Variants in TMEM192 observed in about 807,000 individuals in gnomAD.
TMEM192 encodes the protein transmembrane protein 192.
TMEM192 carries 20 observed loss-of-function variants against 26.7 expected under a neutral mutation model. The ratio of observed to expected loss-of-function variants is 0.75; its 90% CI spans 0.53 to 1.09. The LOEUF (loss-of-function observed/expected upper bound fraction) is 1.09, where lower values mean the gene tolerates loss of function less well. Among genes scored for constraint, TMEM192 ranks in the 50% least tolerant of loss-of-function variants. The pLI is 0.00. For missense variants in TMEM192, 304 were observed against 322.6 expected, an observed-to-expected ratio of 0.94 and a Z score of 0.44; for synonymous variants, 124 against 121.0, an observed-to-expected ratio of 1.02 and a Z score of -0.16.
At chr4:165,097,184 A>G (rs1487133155) in intron 3 of TMEM192, among the ~76,000 whole-genome samples, 1 of 152,166 alleles carries the variant, frequency 6.6e-6, no homozygotes, top group Admixed American at 6.6e-5. Flanking sequence ...ATGAACTTGC[A>G]GCATGCCCTT....
intron 3 of TMEM192, among the ~76,000 whole-genome samples, chr4:165,095,428 A>C (rs1347993952): frequency 6.6e-6 from 1 of 151,982 alleles, no homozygotes; most frequent in African/African-American, 2.4e-5. Context: ...ATCAGTGAGG[A>C]CTCCAGCAGG....
intron 3 of TMEM192, among the ~76,000 whole-genome samples, chr4:165,095,756 T>G (rs2110771470): frequency 6.6e-6 from 1 of 152,234 alleles, no homozygotes; most frequent in African/African-American, 2.4e-5. Flanking sequence ...CTTGGCTATG[T>G]AACTAATAAT....
intron 3 of TMEM192, among the ~76,000 whole-genome samples, chr4:165,093,173 G>A (rs1277856554): frequency 7.2e-6 from 1 of 139,076 alleles, no homozygotes; most frequent in African/African-American, 2.7e-5. Context: ...CTCAGCTCAC[G>A]GCAACCTCTG....
chr4:165,112,218 G>A (rs1460593217), intron 1 of TMEM192, among the ~76,000 whole-genome samples: 5 of 152,102 alleles, frequency 3.3e-5, no homozygotes, highest in African/African-American at 1.2e-4. Flanking sequence ...CCATGATAGC[G>A]ACAGGTCTGC....
At chr4:165,080,624 T>G (rs1734498288) in intron 5 of TMEM192, among the ~76,000 whole-genome samples, 1 of 152,128 alleles carries the variant, frequency 6.6e-6, no homozygotes, top group African/African-American at 2.4e-5. Context: ...ATGGGAATGG[T>G]CCCATGTGAA....
In TMEM192 at chr4:165,082,031, A is replaced by G. The variant is rs1223161436; in HGVS notation, c.678-2235T>C. Among the ~76,000 whole-genome samples the G allele has an allele frequency of 2.3e-4, 7 of 30,456 alleles. 3 individuals are homozygous for G. The highest frequency in any genetic ancestry group is 6.9e-4 in the Non-Finnish European group (6 of 8,666). 20.0% of individuals were successfully genotyped at this position (30,456 alleles called of 152,430 possible). On this transcript the variant is annotated intron_variant, in intron 5 of 5. Transcript: ENST00000306480. ...ATTGCCCAGGCTGGAGTGCAGTGGCATGATCTCGGCTCACAGCAACCTCCG... is the reference window on the plus strand; with the variant it reads ...ATTGCCCAGGCTGGAGTGCAGTGGCGTGATCTCGGCTCACAGCAACCTCCG...
rs71602569 is a variant in TMEM192 at position 165,100,971 on chromosome 4, CTTTTTTTT to C, written c.175-87_175-80del. On this transcript the variant is annotated intron_variant, in intron 2 of 5. Coordinates refer to ENST00000306480, the MANE Select transcript of TMEM192 (RefSeq NM_001100389.2). ...AATAACTACCATCCCAGCATACATT[CTTTTTTTT>C]TTTTTTTTTTTTTCTGAGACAGAGT... 2,360 of 773,244 alleles carry C rather than the reference CTTTTTTTT, an allele frequency of 3.1e-3. 20 individuals carry two copies. The African/African-American group carries it at 0.037, about 12-fold the overall frequency. 47.9% of individuals were successfully genotyped at this position (773,244 alleles called of 1,614,324 possible).
At chr4:165,103,314 A>G (rs1165439648) in intron 1 of TMEM192, among the ~76,000 whole-genome samples, 1 of 151,972 alleles carries the variant, frequency 6.6e-6, no homozygotes, top group Non-Finnish European at 1.5e-5. Flanking sequence ...ACACGGTCTC[A>G]CTATGTTGCC....
chr4:165,111,114 C>CA (rs1276263940), intron 1 of TMEM192, among the ~76,000 whole-genome samples: 1 of 152,136 alleles, frequency 6.6e-6, no homozygotes, highest in Non-Finnish European at 1.5e-5. Flanking sequence ...ATTTTTGAGA[C>CA]AGAGTCTCGC....
intron 1 of TMEM192, among the ~76,000 whole-genome samples, chr4:165,104,478 C>T (rs1735118284): frequency 6.6e-6 from 1 of 152,136 alleles, no homozygotes; most frequent in Non-Finnish European, 1.5e-5. Context: ...GTGGGCTCCT[C>T]AATTTCCAGT....
chr4:165,111,193 G>A lies in TMEM192; in HGVS notation c.27+1554C>T, dbSNP rs865943025. Among the ~76,000 whole-genome samples the A allele has an allele frequency of 4.6e-5, 7 of 152,246 alleles. 1 individual carries two copies. The Middle Eastern group carries it at 0.01, about 222-fold the overall frequency. ...TGGCTCACTGCAACCTCTGCCTTCC[G>A]GGTTCAAGCGATTCTCCTGCCTCCC... On this transcript the variant is annotated intron_variant, in intron 1 of 5. Transcript: ENST00000306480.
chr4:165,080,465 T>C (rs1186685476), intron 5 of TMEM192, among the ~76,000 whole-genome samples: 1 of 152,114 alleles, frequency 6.6e-6, no homozygotes, highest in Non-Finnish European at 1.5e-5. Context: ...ATGACAATAA[T>C]ATGCCAGATG....
intron 3 of TMEM192, among the ~76,000 whole-genome samples, chr4:165,099,543 T>G (rs2110780917): frequency 6.6e-6 from 1 of 152,294 alleles, no homozygotes; most frequent in Middle Eastern, 3.4e-3. Context: ...GACCTGTGTG[T>G]TTTCCAAGTT....
chr4:165,100,733 A>G lies in TMEM192; in HGVS notation c.334T>C (p.Cys112Arg), dbSNP rs1215006987. Residue 112 changes from cysteine (C) to arginine (R), a missense_variant, in exon 3 of 6, where the codon TGC becomes CGC. Transcript: ENST00000306480. The part of the protein sequence containing the change: ...ILWILHLLLE[C>R]YIQYHHSKIR... The stretch of plus-strand genomic sequence containing the variant: ...TTGCTGTGGTGATACTGGATGTAGC[A>G]TTCAAGGAGTAAATGGAGAATCCAC... 6.2e-7 allele frequency: 1 copy of G among 1,614,098 alleles called. No homozygotes were observed. The highest frequency in any genetic ancestry group is 8.5e-7 in the Non-Finnish European group (1 of 1,180,026).
chr4:165,109,405 A>G (rs1342395150), intron 1 of TMEM192, among the ~76,000 whole-genome samples: 2 of 152,162 alleles, frequency 1.3e-5, no homozygotes, highest in Non-Finnish European at 2.9e-5. Context: ...CTTGTTGCCC[A>G]GATTGGAGTG....
chr4:165,100,563 A>G (rs925979587), intron 3 of TMEM192, 65 bp downstream of exon 3: 8 of 1,527,022 alleles, frequency 5.2e-6, no homozygotes, highest in Non-Finnish European at 7.1e-6. Flanking sequence ...CAAACTTCAT[A>G]TATTCTTTCT....
At chr4:165,099,958 T>G (rs2110781872) in intron 3 of TMEM192, among the ~76,000 whole-genome samples, 1 of 151,872 alleles carries the variant, frequency 6.6e-6, no homozygotes, top group Admixed American at 6.6e-5. Flanking sequence ...TCAGAGAAAA[T>G]AAAATAAAAT....
rs148804120 is a variant in TMEM192, at chr4:165,097,078, C to A, written c.439+3550G>T. 9.9e-4 allele frequency among the ~76,000 whole-genome samples: 151 copies of A among 152,214 alleles called. 2 individuals are homozygous for A. In the East Asian group the frequency reaches 0.025, roughly 26 times the overall value. ...AAGAGGCAGGGAGCAATAAATGCTT[C>A]CCCTTCAAGAGCAGTCAGGATCACC... On this transcript the variant is annotated intron_variant, in intron 3 of 5. Transcript: ENST00000306480.
chr4:165,099,503 G>A (rs1298713199), intron 3 of TMEM192, among the ~76,000 whole-genome samples: 1 of 152,132 alleles, frequency 6.6e-6, no homozygotes, highest in East Asian at 1.9e-4. Context: ...AGTCTCATGT[G>A]GACCTTCTGA....
Sources: gnomAD v4.1 joint callset for allele counts (sites outside exome capture counted in the v4.1 genomes callset) on GRCh38, gnomAD v4.1.1 for gene constraint, MANE v1.5 for transcripts, NCBI Gene and HGNC (gene_info 2026-07-23, HGNC 2026-07-21) for gene names.